AGBL1: variants seen among roughly 807,000 people sequenced by gnomAD.
The protein encoded by AGBL1 is AGBL carboxypeptidase 1, also known as cytosolic carboxypeptidase 4.
In AGBL1, 130 loss-of-function variants were observed where a neutral mutation model predicts 118.9. That is an observed-to-expected ratio of 1.09 (90% CI 0.95 to 1.26). The LOEUF is 1.26. Ranked by LOEUF, AGBL1 falls within the 50% of genes most tolerant of loss-of-function variation. The pLI is 0.00. For missense variants in AGBL1, 1,584 were observed against 1,298.1 expected (o/e 1.22, Z -3.38); for synonymous variants, 555 against 478.9 (o/e 1.16, Z -2.08).
At chr15:86,569,468 T>C (rs2083970253) in intron 21 of AGBL1, among the ~76,000 whole-genome samples, 1 of 152,036 alleles carries the variant, frequency 6.6e-6, no homozygotes, top group Admixed American at 6.6e-5. Context: ...GTAGAAATAC[T>C]ATTTGGGCCA....
intron 22 of AGBL1, among the ~76,000 whole-genome samples, chr15:86,844,202 C>G (rs1437430024): frequency 6.6e-6 from 1 of 152,138 alleles, no homozygotes; most frequent in African/African-American, 2.4e-5. Context: ...CACTCACATA[C>G]TAATCATTGT....
At chr15:86,401,957 T>G (rs969657680) in intron 18 of AGBL1, among the ~76,000 whole-genome samples, 2 of 152,110 alleles carry the variant, frequency 1.3e-5, no homozygotes, top group Non-Finnish European at 2.9e-5. Context: ...CATATGAGTT[T>G]TAGGATTGTT....
At chr15:86,199,015 G>A (rs1470177593) in intron 5 of AGBL1, among the ~76,000 whole-genome samples, 3 of 152,154 alleles carry the variant, frequency 2.0e-5, no homozygotes, top group Admixed American at 6.5e-5. Context: ...AATTTGTGGT[G>A]TAGTTTTCTA....
intron 23 of AGBL1, among the ~76,000 whole-genome samples, chr15:86,948,238 G>A (rs962439514): frequency 1.3e-5 from 2 of 152,028 alleles, no homozygotes; most frequent in African/African-American, 4.8e-5. Flanking sequence ...AGAGATGAAT[G>A]AAATACACCA....
intron 6 of AGBL1, among the ~76,000 whole-genome samples, chr15:86,235,827 G>T (rs891798507): frequency 6.6e-6 from 1 of 152,228 alleles, no homozygotes; most frequent in African/African-American, 2.4e-5. Context: ...CACATCTGTG[G>T]TGGGAGAGGG....
In AGBL1 at chr15:86,113,212, T is replaced by TTTTTG. The variant is rs1360991155; in HGVS notation, c.52-28788_52-28787insGTTTT. ...TTCACCTCTTTATTTTTTCTTTTTC[T>TTTTTG]TTTTCTTTTCTTTTCTTTTCTTTTC... On this transcript the variant is annotated intron_variant, in intron 1 of 22. Coordinates refer to ENST00000614907, the MANE Select transcript of AGBL1 (RefSeq NM_001386094.1). 2.6e-3 allele frequency among the ~76,000 whole-genome samples: 318 copies of TTTTTG among 122,210 alleles called. 5 individuals are homozygous for TTTTTG. The highest frequency in any genetic ancestry group is 0.017 in the Middle Eastern group (4 of 238). The allele number at this position is 122,210 out of a possible 152,430, so 80.2% of individuals were successfully genotyped here. A position where few individuals can be genotyped will look rare whatever the true frequency, so the allele number is the denominator to read the frequency against.
At chr15:86,188,676 C>T (rs1413646410) in intron 5 of AGBL1, among the ~76,000 whole-genome samples, 3 of 152,150 alleles carry the variant, frequency 2.0e-5, no homozygotes, top group Non-Finnish European at 4.4e-5. Flanking sequence ...TCAGAACATG[C>T]AGAAGCAATT....
chr15:86,873,245 C>A (rs1196150193), intron 22 of AGBL1, among the ~76,000 whole-genome samples: 1 of 151,994 alleles, frequency 6.6e-6, no homozygotes, highest in Non-Finnish European at 1.5e-5. Flanking sequence ...GGAGCAAAGG[C>A]ATGTTGGTTT....
intron 22 of AGBL1, among the ~76,000 whole-genome samples, chr15:86,701,503 T>G (rs939826965): frequency 6.6e-6 from 1 of 152,108 alleles, no homozygotes; most frequent in Non-Finnish European, 1.5e-5. Context: ...TAAATCAAGA[T>G]TAAATTGTGA....
chr15:87,006,305 G>A (rs1409343688), intron 24 of AGBL1, among the ~76,000 whole-genome samples: 2 of 152,144 alleles, frequency 1.3e-5, no homozygotes, highest in Admixed American at 6.5e-5. Flanking sequence ...GTCTACAGAG[G>A]CAGGCAGGCC....
chr15:86,177,297 G>C (rs72752105), intron 5 of AGBL1, among the ~76,000 whole-genome samples: 4 of 152,082 alleles, frequency 2.6e-5, no homozygotes, highest in Non-Finnish European at 5.9e-5. Context: ...AATAATTGAC[G>C]TAAAAACTGA....
At chr15:86,270,097 T>C in intron 14 of AGBL1, 30 bp downstream of exon 14, 1 of 1,592,754 alleles carries the variant, frequency 6.3e-7, no homozygotes, top group South Asian at 1.1e-5. Flanking sequence ...AGGGGCTTTC[T>C]GGAACATGCC....
intron 17 of AGBL1, among the ~76,000 whole-genome samples, chr15:86,389,247 A>G (rs534038575): frequency 1.3e-4 from 20 of 152,318 alleles, no homozygotes; most frequent in Middle Eastern, 3.4e-3. Context: ...GAAAGAACAC[A>G]TACAACAGAA....
At chr15:86,481,063 G>A (rs2142123167) in intron 18 of AGBL1, among the ~76,000 whole-genome samples, 2 of 150,758 alleles carry the variant, frequency 1.3e-5, no homozygotes, top group East Asian at 3.9e-4. Flanking sequence ...GAACAAAAGA[G>A]GAAGAAGAGG....
At chr15:86,424,350 A>G (rs1305448275) in intron 18 of AGBL1, among the ~76,000 whole-genome samples, 1 of 152,146 alleles carries the variant, frequency 6.6e-6, no homozygotes, top group Non-Finnish European at 1.5e-5. Flanking sequence ...GAAAACTGAA[A>G]CTGGACCTCT....
At chr15:86,209,551 C>T (rs2078055625) in intron 5 of AGBL1, among the ~76,000 whole-genome samples, 1 of 152,050 alleles carries the variant, frequency 6.6e-6, no homozygotes, top group African/African-American at 2.4e-5. Context: ...TGTATTGATC[C>T]CTTTACCATT....
intron 21 of AGBL1, among the ~76,000 whole-genome samples, chr15:86,566,590 T>C (rs1448118729): frequency 1.3e-5 from 2 of 152,108 alleles, no homozygotes; most frequent in African/African-American, 2.4e-5. Context: ...TCTTGACTTC[T>C]CTCCTTGTCT....
rs76134020 is a variant in AGBL1, at chr15:86,861,798, T to A, written c.3159-45289T>A. On this transcript the variant is annotated intron_variant, in intron 22 of 22. Coordinates refer to ENST00000614907, the MANE Select transcript of AGBL1 (RefSeq NM_001386094.1). ...GTGTTTGAAATGTCCAACCCTAAAGTATTTATTTGTATTCATGGGTTAATT... is the reference window on the plus strand; with the variant it reads ...GTGTTTGAAATGTCCAACCCTAAAGAATTTATTTGTATTCATGGGTTAATT... Among the ~76,000 whole-genome samples the A allele has an allele frequency of 4.7e-3, 723 of 152,314 alleles. 8 individuals are homozygous for A. Among genetic ancestry groups the A allele is most frequent in the African/African-American group, 0.017 (695 of 41,562 alleles).
chr15:86,785,172 C>T (rs1193419804), intron 22 of AGBL1, among the ~76,000 whole-genome samples: 1 of 151,900 alleles, frequency 6.6e-6, no homozygotes, highest in Admixed American at 6.6e-5. Flanking sequence ...AGCCAGGGCA[C>T]AGCTGTAGGG....
Sources: gnomAD v4.1 joint callset for allele counts (sites outside exome capture counted in the v4.1 genomes callset) on GRCh38, gnomAD v4.1.1 for gene constraint, MANE v1.5 for transcripts, NCBI Gene and HGNC (gene_info 2026-07-23, HGNC 2026-07-21) for gene names.